Variants in CSMD1 observed in about 807,000 individuals in gnomAD.
The protein encoded by CSMD1 is CUB and sushi domain-containing protein 1.
CSMD1 carries 213 observed loss-of-function variants against 417.5 expected under a neutral mutation model. The ratio of observed to expected loss-of-function variants is 0.51; its 90% CI spans 0.46 to 0.57. CSMD1 has a LOEUF of 0.57. Ranked by LOEUF, CSMD1 falls within the 20% of genes least tolerant of loss-of-function variation. The pLI is 0.00. For missense variants in CSMD1, 6,923 were observed against 4,529.7 expected (o/e 1.53, Z -15.17); for synonymous variants, 2,862 against 1,736.8 (o/e 1.65, Z -16.11).
chr8:3,838,632 TA>T (rs2129092090), intron 5 of CSMD1, among the ~76,000 whole-genome samples: 1 of 131,004 alleles, frequency 7.6e-6, no homozygotes, highest in Admixed American at 8.9e-5. Flanking sequence ...AATTAATATA[TA>T]ATAAATTAAT....
At chr8:4,621,189 G>T (rs538612682) in intron 2 of CSMD1, among the ~76,000 whole-genome samples, 1 of 151,948 alleles carries the variant, frequency 6.6e-6, no homozygotes, top group East Asian at 1.9e-4. Flanking sequence ...TAAATAATGA[G>T]AAATCCTGGG....
intron 31 of CSMD1, among the ~76,000 whole-genome samples, chr8:3,202,985 A>G (rs1435629367): frequency 6.6e-6 from 1 of 152,116 alleles, no homozygotes; most frequent in East Asian, 1.9e-4. Flanking sequence ...TGCTCATACC[A>G]TCCTCACCCA....
chr8:3,047,002 G>A (rs1356422665), intron 50 of CSMD1, among the ~76,000 whole-genome samples: 1 of 152,040 alleles, frequency 6.6e-6, no homozygotes, highest in Non-Finnish European at 1.5e-5. Context: ...GAAGTCAGGA[G>A]TTTGAGACCA....
intron 2 of CSMD1, among the ~76,000 whole-genome samples, chr8:4,629,960 T>C (rs1327773391): frequency 6.6e-6 from 1 of 152,116 alleles, no homozygotes; most frequent in Non-Finnish European, 1.5e-5. Flanking sequence ...AACCGCAATA[T>C]TTGAATACTT....
intron 2 of CSMD1, among the ~76,000 whole-genome samples, chr8:4,534,447 A>C (rs941272428): frequency 1.3e-5 from 2 of 152,120 alleles, no homozygotes; most frequent in African/African-American, 2.4e-5. Context: ...ACAACTCATT[A>C]ATATTTTTGT....
chr8:3,190,094 G>T lies in CSMD1; in HGVS notation c.5216C>A (p.Thr1739Asn), dbSNP rs577301274. 6.3e-7 allele frequency: 1 copy of T among 1,591,274 alleles called. No individual in the cohort carries two copies. Among genetic ancestry groups the T allele is most frequent in the South Asian group, 1.1e-5 (1 of 86,976 alleles). Residue 1739 changes from threonine (T) to asparagine (N), a missense_variant, in exon 34 of 70, where the codon ACC becomes AAC. Physicochemically the swap from Thr to Asn is moderately conservative, Grantham distance 65. Coordinates refer to ENST00000635120, the MANE Select transcript of CSMD1 (RefSeq NM_033225.6). ...GGGCTCGGGGACAGAGCTGCATTGGGTGTCACTGGTACGAGGAACAGCTAG... is the reference window on the plus strand; with the variant it reads ...GGGCTCGGGGACAGAGCTGCATTGGTTGTCACTGGTACGAGGAACAGCTAG... ...VYQAVPRTSD[T>N]QCSSVPEPRY...
chr8:3,331,482 A>G (rs1490190910), intron 23 of CSMD1, among the ~76,000 whole-genome samples: 1 of 152,168 alleles, frequency 6.6e-6, no homozygotes, highest in Non-Finnish European at 1.5e-5. Context: ...TTATACTAAC[A>G]GGGTTTGAAT....
At chr8:4,033,513 G>A (rs898023261) in intron 3 of CSMD1, among the ~76,000 whole-genome samples, 3 of 152,124 alleles carry the variant, frequency 2.0e-5, no homozygotes, top group African/African-American at 7.2e-5. Flanking sequence ...ACTTCCAGTT[G>A]TCCCGCCTTT....
At position 3,074,027 on chromosome 8, in the gene CSMD1, G is replaced by A. The variant is rs905854603; in HGVS notation, c.7474+13070C>T. ...TCAGGTACGGGCGTGGCCTCACCCT[G>A]AGGGTGGCAGCGGGCTGCTTTCTCA... On this transcript the variant is annotated intron_variant, in intron 49 of 69. Coordinates refer to ENST00000635120, the MANE Select transcript of CSMD1 (RefSeq NM_033225.6). Among the ~76,000 whole-genome samples, 3 of 152,348 alleles carry A rather than the reference G, an allele frequency of 2.0e-5. 1 individual carries two copies. The South Asian group carries it at 6.2e-4, about 32-fold the overall frequency.
At chr8:4,977,278 T>G (rs1019156610) in intron 1 of CSMD1, among the ~76,000 whole-genome samples, 3 of 152,136 alleles carry the variant, frequency 2.0e-5, no homozygotes, top group Non-Finnish European at 4.4e-5. Flanking sequence ...AGACTGAACT[T>G]AACATTCTTC....
intron 25 of CSMD1, among the ~76,000 whole-genome samples, chr8:3,301,836 C>T (rs753015203): frequency 6.6e-5 from 10 of 151,956 alleles, no homozygotes; most frequent in Non-Finnish European, 1.5e-4. Flanking sequence ...TGAGAGAAGA[C>T]TAAAGTAACA....
chr8:4,139,717 G>A lies in CSMD1; in HGVS notation c.416-107618C>T, dbSNP rs1055650077. On this transcript the variant is annotated intron_variant, in intron 3 of 69. Transcript: ENST00000635120. The stretch of plus-strand genomic sequence containing the variant: ...AATGATGATTTTGGTGGGAAGCCCC[G>A]AGTGATGCTTGAGTAGATGAGTACA... 4.0e-5 allele frequency among the ~76,000 whole-genome samples: 6 copies of A among 151,100 alleles called. 1 individual carries two copies. Among genetic ancestry groups the A allele is most frequent in the African/African-American group, 7.4e-5 (3 of 40,424 alleles).
At chr8:4,879,945 C>T (rs1803289287) in intron 1 of CSMD1, among the ~76,000 whole-genome samples, 1 of 152,080 alleles carries the variant, frequency 6.6e-6, no homozygotes, top group South Asian at 2.1e-4. Context: ...TTCATTTTGT[C>T]GTTGTTGTTG....
At chr8:4,416,935 CTA>C (rs1563151293) in intron 3 of CSMD1, among the ~76,000 whole-genome samples, 1 of 151,970 alleles carries the variant, frequency 6.6e-6, no homozygotes, top group African/African-American at 2.4e-5. Context: ...TTATTATAAA[CTA>C]TGTGTAATCC....
rs150958172 is a variant in CSMD1 at position 3,795,303 on chromosome 8, T to G, written c.819-41261A>C. Among the ~76,000 whole-genome samples, 57 of 68,260 alleles carry G rather than the reference T, an allele frequency of 8.4e-4. 8 individuals carry two copies. Among genetic ancestry groups the G allele is most frequent in the African/African-American group, 2.0e-3 (30 of 14,690 alleles). The allele number at this position is 68,260 out of a possible 152,430, so 44.8% of individuals were successfully genotyped here. A position where few individuals can be genotyped will look rare whatever the true frequency, so the allele number is the denominator to read the frequency against. Reference sequence around the variant, plus strand: ...GATATATATATCATGTACAGATATATATATCTATCATGTACAGATATAGAT... The same window carrying G: ...GATATATATATCATGTACAGATATAGATATCTATCATGTACAGATATAGAT... On this transcript the variant is annotated intron_variant, in intron 5 of 69. Coordinates refer to ENST00000635120, the MANE Select transcript of CSMD1 (RefSeq NM_033225.6).
rs75434668 is a variant in CSMD1 at position 3,851,481 on chromosome 8, G to C, written c.819-97439C>G. On this transcript the variant is annotated intron_variant, in intron 5 of 69. Transcript: ENST00000635120. The stretch of plus-strand genomic sequence containing the variant: ...TATCTCAAGGGAAAAAGTACAAAAA[G>C]AAAGACCTAGTGTCTTGAGACTTTT... 8.4e-3 allele frequency among the ~76,000 whole-genome samples: 1,282 copies of C among 152,266 alleles called. 20 individuals are homozygous for C. Among genetic ancestry groups the C allele is most frequent in the African/African-American group, 0.027 (1,141 of 41,558 alleles).
At chr8:4,236,156 C>G (rs1169107086) in intron 3 of CSMD1, among the ~76,000 whole-genome samples, 2 of 148,750 alleles carry the variant, frequency 1.3e-5, no homozygotes, top group East Asian at 4.0e-4. Context: ...TCAGTAAGGT[C>G]TTCGATCAGG....
chr8:4,078,238 A>C (rs546830048), intron 3 of CSMD1, among the ~76,000 whole-genome samples: 1 of 152,002 alleles, frequency 6.6e-6, no homozygotes, highest in Non-Finnish European at 1.5e-5. Context: ...TTACACATAT[A>C]AACGTATTAC....
At chr8:3,713,424 C>G (rs1453854669) in intron 6 of CSMD1, among the ~76,000 whole-genome samples, 1 of 152,090 alleles carries the variant, frequency 6.6e-6, no homozygotes, top group African/African-American at 2.4e-5. Flanking sequence ...TTTCTCTGCC[C>G]TCTCTAGCTG....
Sources: allele counts gnomAD v4.1 joint callset (sites outside exome capture counted in the v4.1 genomes callset), GRCh38; gene constraint gnomAD v4.1.1; transcripts MANE v1.5; gene names NCBI Gene and HGNC (gene_info 2026-07-23, HGNC 2026-07-21).